STIM1: variants seen among roughly 807,000 people sequenced by gnomAD.
The protein encoded by STIM1 is stromal interaction molecule 1.
In STIM1, 25 loss-of-function variants were observed where a neutral mutation model predicts 74.7. That is an observed-to-expected ratio of 0.33 (90% CI 0.24 to 0.47). STIM1 has a LOEUF of 0.47. Among genes scored for constraint, STIM1 ranks in the 20% least tolerant of loss-of-function variants. The pLI is 1.00. For missense variants in STIM1, 728 were observed against 920.8 expected, an observed-to-expected ratio of 0.79 and a Z score of 2.71; for synonymous variants, 328 against 348.8, an observed-to-expected ratio of 0.94 and a Z score of 0.66.
chr11:4,081,954 A>G (rs994805093), intron 7 of STIM1, among the ~76,000 whole-genome samples: 1 of 152,232 alleles, frequency 6.6e-6, no homozygotes, highest in African/African-American at 2.4e-5. Context: ...TTTGTCTGGG[A>G]ACAGAAACAT....
intron 3 of STIM1, among the ~76,000 whole-genome samples, chr11:4,047,570 C>T (rs12799265): frequency 0.43 from 66,000 of 151,950 alleles, 16,114 homozygotes; most frequent in Non-Finnish European, 0.55. Flanking sequence ...GAGCTGAGAT[C>T]GTGCCACTGC....
chr11:4,047,792 C>CCA, intron 3 of STIM1, among the ~76,000 whole-genome samples: 1 of 151,630 alleles, frequency 6.6e-6, no homozygotes, highest in East Asian at 1.9e-4. Context: ...TGCACTCAAG[C>CCA]CTCGGTGGCA....
rs1486705680 is a variant in STIM1, at chr11:4,091,782, A to C, written c.2135A>C (p.Lys712Thr). Reference sequence around the variant, plus strand: ...AAGTTTCCCCTCAAAATCTTTAAGAAGCCTCTTAAGAAGTAGGCAGGATGG... The same window carrying C: ...AAGTTTCCCCTCAAAATCTTTAAGACGCCTCTTAAGAAGTAGGCAGGATGG... ...RKKFPLKIFK[K>T]PLKK Residue 712 changes from lysine (K) to threonine (T), a missense_variant, in exon 13 of 13, where the codon AAG (lysine) becomes ACG (threonine). Transcript: ENST00000526596. 1.9e-6 allele frequency: 3 copies of C among 1,605,768 alleles called. No individual in the cohort carries two copies. The African/African-American group carries it at 4.0e-5, about 21-fold the overall frequency.
intron 1 of STIM1, chr11:3,892,588 C>T: frequency 1.9e-6 from 3 of 1,602,140 alleles, no homozygotes; most frequent in South Asian, 2.2e-5. Flanking sequence ...CAGCATTTGC[C>T]ATGGACAAGA....
chr11:4,046,897 C>T (rs2094197734), intron 3 of STIM1, among the ~76,000 whole-genome samples: 3 of 152,190 alleles, frequency 2.0e-5, no homozygotes, highest in Non-Finnish European at 1.5e-5. Flanking sequence ...AAGTGATCCT[C>T]CTGCCTCAGC....
chr11:4,081,209 C>T (rs1268488393), intron 7 of STIM1, among the ~76,000 whole-genome samples: 2 of 152,180 alleles, frequency 1.3e-5, no homozygotes, highest in African/African-American at 4.8e-5. Flanking sequence ...GGATTCTGTT[C>T]AGGTAGGAGA....
At chr11:4,067,977 G>A (rs576489413) in intron 5 of STIM1, among the ~76,000 whole-genome samples, 69 of 152,290 alleles carry the variant, frequency 4.5e-4, no homozygotes, top group Non-Finnish European at 7.5e-4. Context: ...TATCAAGCTT[G>A]GTAGCTCATG....
chr11:4,063,561 C>A (rs1453864483), intron 5 of STIM1, among the ~76,000 whole-genome samples: 1 of 152,172 alleles, frequency 6.6e-6, no homozygotes, highest in African/African-American at 2.4e-5. Flanking sequence ...GTAAACATAA[C>A]TTTTATCACT....
At position 3,855,890 on chromosome 11, in the gene STIM1, C is replaced by A; in HGVS notation, c.-381C>A. 1 of 260,796 alleles carries A rather than the reference C, an allele frequency of 3.8e-6. No individual in the cohort carries two copies. The highest frequency in any genetic ancestry group is 7.8e-6 in the Non-Finnish European group (1 of 128,674). The allele number at this position is 260,796 out of a possible 1,614,324, so 16.2% of individuals were successfully genotyped here. ...CAGGTGCCCCCTTCTCGCCTCTCTTCTCTTCTCTTCTCTTCCTCCTCCACT... is the reference window on the plus strand; with the variant it reads ...CAGGTGCCCCCTTCTCGCCTCTCTTATCTTCTCTTCTCTTCCTCCTCCACT... On this transcript the variant is annotated 5_prime_UTR_variant, in exon 1 of 13. Transcript: ENST00000526596.
intron 2 of STIM1, among the ~76,000 whole-genome samples, chr11:3,984,849 C>A (rs1392788880): frequency 6.6e-6 from 1 of 152,116 alleles, no homozygotes; most frequent in Non-Finnish European, 1.5e-5. Flanking sequence ...GTGAGAGACA[C>A]AATTATGTAA....
intron 1 of STIM1, among the ~76,000 whole-genome samples, chr11:3,967,172 A>C (rs542898490): frequency 6.6e-6 from 1 of 152,360 alleles, no homozygotes; most frequent in East Asian, 1.9e-4. Flanking sequence ...ATTAAAAATA[A>C]TAGCTCAATT....
At chr11:3,857,095 GGTTTTTTTTTTT>G (rs1399719762) in intron 1 of STIM1, among the ~76,000 whole-genome samples, 12 of 79,660 alleles carry the variant, frequency 1.5e-4, no homozygotes, top group Admixed American at 4.1e-4. Context: ...CCATGCTACA[GGTTTTTTTTTTT>G]GTTTTTTTTT....
At chr11:3,899,264 C>T (rs1227863082) in intron 1 of STIM1, among the ~76,000 whole-genome samples, 6 of 151,962 alleles carry the variant, frequency 3.9e-5, no homozygotes, top group South Asian at 2.1e-4. Flanking sequence ...AGGTATTTTA[C>T]TCTCTTTGAA....
In STIM1 at chr11:3,921,786, C is replaced by G. The variant is rs2092720695; in HGVS notation, c.140-45766C>G. ...AGTTTCCTTTTTGCTTTCTCTCTGT[C>G]TCTTAAATTATTCACTCTGCGGAAG... On this transcript the variant is annotated intron_variant, in intron 1 of 12. Coordinates refer to ENST00000526596, the MANE Select transcript of STIM1 (RefSeq NM_001382567.1). 2.6e-5 allele frequency: 4 copies of G among 152,182 alleles called. No individual in the cohort carries two copies. In the South Asian group the frequency reaches 8.3e-4, roughly 32 times the overall value. The allele number at this position is 152,182 out of a possible 1,614,324, so 9.4% of individuals were successfully genotyped here.
rs553702968 is a variant in STIM1 at position 4,065,220 on chromosome 11, A to C, written c.614-4806A>C. Among the ~76,000 whole-genome samples, 4 of 152,330 alleles carry C rather than the reference A, an allele frequency of 2.6e-5. No individual in the cohort carries two copies. The South Asian group carries it at 8.3e-4, about 32-fold the overall frequency. ...GGTCAGGGGCAGTTGGAGATAGGAAAAGAAAAGACTATGCCTCATCTTCCT... is the reference window on the plus strand; with the variant it reads ...GGTCAGGGGCAGTTGGAGATAGGAACAGAAAAGACTATGCCTCATCTTCCT... On this transcript the variant is annotated intron_variant, in intron 5 of 12. Coordinates refer to ENST00000526596, the MANE Select transcript of STIM1 (RefSeq NM_001382567.1).
intron 1 of STIM1, among the ~76,000 whole-genome samples, chr11:3,861,281 T>C (rs991692087): frequency 6.6e-6 from 1 of 151,486 alleles, no homozygotes; most frequent in Non-Finnish European, 1.5e-5. Flanking sequence ...TTGCCCAGGC[T>C]GGAGTGCAGT....
chr11:3,882,192 T>C (rs1295126865), intron 1 of STIM1, among the ~76,000 whole-genome samples: 1 of 149,466 alleles, frequency 6.7e-6, no homozygotes, highest in Non-Finnish European at 1.5e-5. Flanking sequence ...CTCTGTCTCC[T>C]GGGTTCAAGC....
In STIM1 at chr11:4,064,370, A is replaced by G. The variant is rs114752543; in HGVS notation, c.613+4974A>G. Among the ~76,000 whole-genome samples the G allele has an allele frequency of 4.4e-3, 671 of 152,200 alleles. 2 individuals are homozygous for G. The highest frequency in any genetic ancestry group is 0.015 in the African/African-American group (603 of 41,526). ...AGCATGGACTAAAAATCCCTATTTC[A>G]GTTCTATTCTTTAATACCCATTTAG... On this transcript the variant is annotated intron_variant, in intron 5 of 12. Transcript: ENST00000526596.
At chr11:3,953,410 G>C (rs1316589645) in intron 1 of STIM1, among the ~76,000 whole-genome samples, 1 of 152,174 alleles carries the variant, frequency 6.6e-6, no homozygotes, top group Non-Finnish European at 1.5e-5. Context: ...TGGAAGCCCT[G>C]CTTCCTCACC....
Sources: allele counts gnomAD v4.1 joint callset (sites outside exome capture counted in the v4.1 genomes callset), GRCh38; gene constraint gnomAD v4.1.1; transcripts MANE v1.5; gene names NCBI Gene and HGNC (gene_info 2026-07-23, HGNC 2026-07-21).